SLC30A9: variants seen among roughly 807,000 people sequenced by gnomAD.
SLC30A9 encodes proton-coupled zinc antiporter SLC30A9, mitochondrial.
SLC30A9 carries 58 observed loss-of-function variants against 87.5 expected under a neutral mutation model. The ratio of observed to expected loss-of-function variants is 0.66; its 90% confidence interval spans 0.54 to 0.82. The LOEUF (loss-of-function observed/expected upper bound fraction) is 0.82. SLC30A9 is among the 40% of genes least tolerant of loss of function. The pLI, the probability that SLC30A9 is intolerant of heterozygous loss-of-function variation, is 0.00. For missense variants in SLC30A9, 557 were observed against 679.1 expected (o/e 0.82, Z 2.00); for synonymous variants, 234 against 233.0 (o/e 1.00, Z -0.04).
At chr4:42,048,226 A>G (rs1717248247) in intron 8 of SLC30A9, among the ~76,000 whole-genome samples, 2 of 152,234 alleles carry the variant, frequency 1.3e-5, no homozygotes, top group Middle Eastern at 3.4e-3. Context: ...TAAATTATAA[A>G]TTTAAAAAAT....
chr4:42,041,187 C>T (rs987044443), intron 8 of SLC30A9, among the ~76,000 whole-genome samples: 6 of 152,148 alleles, frequency 3.9e-5, no homozygotes, highest in African/African-American at 7.2e-5. Context: ...TGCGTCCCTC[C>T]CAAAACATGT....
At chr4:42,024,828 A>G (rs1041304198) in intron 6 of SLC30A9, among the ~76,000 whole-genome samples, 1 of 152,214 alleles carries the variant, frequency 6.6e-6, no homozygotes, top group Non-Finnish European at 1.5e-5. Context: ...TCTTCTATGT[A>G]TAGTGGTTTT....
Position 42,049,469 on chromosome 4 carries a change from C to A in SLC30A9, c.830C>A (p.Thr277Asn). The change falls in exon 9 of 18, where the codon ACT (threonine) becomes AAT (asparagine). Residue 277 changes from threonine (T) to asparagine (N), a missense_variant. Thr to Asn is a moderately conservative substitution (Grantham distance 65). This residue lies in a region of SLC30A9 where 467 missense variants were observed against 529.8 expected (regional missense o/e 0.88). Coordinates refer to ENST00000264451, the MANE Select transcript of SLC30A9 (RefSeq NM_006345.4). ...FSEAIHSLSD[T>N]CNQGLLALGI... ...GAAGCTATACACTCATTATCTGATA[C>A]TTGTAATCAGGTGAGGACTAAAGCT... 1 of 1,567,448 alleles carries A rather than the reference C, an allele frequency of 6.4e-7. No individual in the cohort carries two copies. Among genetic ancestry groups the A allele is most frequent in the Non-Finnish European group, 8.7e-7 (1 of 1,145,882 alleles).
intron 2 of SLC30A9, 101 bp from the exon 3 acceptor site, chr4:42,018,010 C>T (rs1490452428): frequency 1.9e-5 from 12 of 643,324 alleles, no homozygotes; most frequent in East Asian, 1.5e-4. Context: ...GATACATTGT[C>T]GTTTTTATGC....
chr4:42,081,663 A>G (rs1718743778), intron 17 of SLC30A9, among the ~76,000 whole-genome samples: 1 of 152,126 alleles, frequency 6.6e-6, no homozygotes, highest in Non-Finnish European at 1.5e-5. Context: ...GGCAAGGAAA[A>G]TAATGGACTA....
chr4:42,078,357 T>A (rs2153141268), intron 17 of SLC30A9, 32 bp downstream of exon 17: 1 of 1,126,318 alleles, frequency 8.9e-7, no homozygotes, highest in African/African-American at 1.6e-5. Context: ...AACATAATGA[T>A]AATGGCAGCT....
rs1000547171 is a variant in SLC30A9 at position 42,087,223 on chromosome 4, G to C, written c.*1097G>C. The stretch of plus-strand genomic sequence containing the variant: ...ACATGTAAGTAAATAGCTTTCTACT[G>C]ACCCTAAGTTATCAAGGTGGAAAAA... On this transcript the variant is annotated 3_prime_UTR_variant, in exon 18 of 18. Transcript: ENST00000264451. 1.3e-5 allele frequency: 2 copies of C among 152,104 alleles called. No individual in the cohort carries two copies. Among genetic ancestry groups the C allele is most frequent in the African/African-American group, 4.8e-5 (2 of 41,408 alleles). 9.4% of individuals were successfully genotyped at this position (152,104 alleles called of 1,614,324 possible). A position where few individuals can be genotyped will look rare whatever the true frequency, so the allele number is the denominator to read the frequency against.
At chr4:42,083,673 A>C (rs370176149) in intron 17 of SLC30A9, among the ~76,000 whole-genome samples, 876 of 76,818 alleles carry the variant, frequency 0.011, 4 homozygotes, top group African/African-American at 0.022. Flanking sequence ...AATAATGTCA[A>C]ACTTAATGAA....
At chr4:41,996,253 G>T (rs1018699025) in intron 1 of SLC30A9, among the ~76,000 whole-genome samples, 1 of 151,712 alleles carries the variant, frequency 6.6e-6, no homozygotes, top group Non-Finnish European at 1.5e-5. Flanking sequence ...TAGCCACCAC[G>T]CCTGGCTGAT....
rs375617455 is a variant in SLC30A9 at position 42,049,487 on chromosome 4, C to T, written c.840+8C>T. 3 of 1,441,280 alleles carry T rather than the reference C, an allele frequency of 2.1e-6. No individual in the cohort carries two copies. The African/African-American group carries it at 4.3e-5, about 21-fold the overall frequency. 89.3% of individuals were successfully genotyped at this position (1,441,280 alleles called of 1,614,324 possible). A position where few individuals can be genotyped will look rare whatever the true frequency, so the allele number is the denominator to read the frequency against. ...TCTGATACTTGTAATCAGGTGAGGACTAAAGCTTTTTTTATAAGTCAATTT... is the reference window on the plus strand; with the variant it reads ...TCTGATACTTGTAATCAGGTGAGGATTAAAGCTTTTTTTATAAGTCAATTT... On this transcript the variant is annotated splice_region_variant and intron_variant, in intron 9 of 17. Transcript: ENST00000264451.
At chr4:42,059,075 T>G (rs1717742478) in intron 9 of SLC30A9, among the ~76,000 whole-genome samples, 1 of 152,220 alleles carries the variant, frequency 6.6e-6, no homozygotes, top group South Asian at 2.1e-4. Context: ...TTGTATTAAG[T>G]ATTTTCAAGT....
intron 8 of SLC30A9, among the ~76,000 whole-genome samples, chr4:42,043,370 A>G (rs1717001842): frequency 6.6e-6 from 1 of 152,174 alleles, no homozygotes; most frequent in African/African-American, 2.4e-5. Context: ...TTAGAGAAGA[A>G]CATAAATGAC....
chr4:42,067,672 T>C (rs1718135861), intron 14 of SLC30A9, among the ~76,000 whole-genome samples: 1 of 152,260 alleles, frequency 6.6e-6, no homozygotes. Flanking sequence ...TAACTGGAGC[T>C]ACCATCTCTG....
Position 42,035,263 on chromosome 4 carries a change from T to G in SLC30A9, c.611-12T>G. ...ATATCTATGACCTAAATTTATTTTGTTATTCTTACAGGGCTATTTAGAAAC... is the reference window on the plus strand; with the variant it reads ...ATATCTATGACCTAAATTTATTTTGGTATTCTTACAGGGCTATTTAGAAAC... On this transcript the variant is annotated splice_polypyrimidine_tract_variant and intron_variant, in intron 6 of 17. Transcript: ENST00000264451. 6.3e-7 allele frequency: 1 copy of G among 1,589,976 alleles called. No homozygotes were observed. Among genetic ancestry groups the G allele is most frequent in the African/African-American group, 1.3e-5 (1 of 74,450 alleles).
At chr4:42,019,782 T>TTTTA (rs1175974464) in intron 3 of SLC30A9, among the ~76,000 whole-genome samples, 7 of 151,990 alleles carry the variant, frequency 4.6e-5, no homozygotes, top group Non-Finnish European at 5.9e-5. Context: ...TACTCTGTTA[T>TTTTA]TTTATTTATT....
At chr4:42,054,297 G>A (rs891135201) in intron 9 of SLC30A9, among the ~76,000 whole-genome samples, 1 of 152,150 alleles carries the variant, frequency 6.6e-6, no homozygotes, top group Admixed American at 6.5e-5. Flanking sequence ...GGCAGAGGTT[G>A]CAGTGAGTCA....
chr4:42,008,923 T>C (rs1435391826), intron 2 of SLC30A9, among the ~76,000 whole-genome samples: 1 of 152,176 alleles, frequency 6.6e-6, no homozygotes, highest in East Asian at 1.9e-4. Context: ...TAAATATTGA[T>C]TGAGAGTTTG....
At chr4:42,062,959 C>T (rs763881308) in intron 10 of SLC30A9, 27 bp from the exon 11 acceptor site, 13 of 1,596,230 alleles carry the variant, frequency 8.1e-6, no homozygotes, top group East Asian at 4.5e-5. Context: ...GTATTTCTTG[C>T]GAACTATATT....
At chr4:42,062,136 G>T (rs1244334749) in intron 10 of SLC30A9, among the ~76,000 whole-genome samples, 1 of 151,436 alleles carries the variant, frequency 6.6e-6, no homozygotes, top group Non-Finnish European at 1.5e-5. Flanking sequence ...GGAGGTTGCA[G>T]TGAGCCAAGA....
Sources: allele counts gnomAD v4.1 joint callset (sites outside exome capture counted in the v4.1 genomes callset), GRCh38; gene constraint gnomAD v4.1.1; regional missense constraint gnomAD v4.1.1; transcripts MANE v1.5; gene names NCBI Gene and HGNC (gene_info 2026-07-23, HGNC 2026-07-21).